ANXA8: variants seen among roughly 807,000 people sequenced by gnomAD.
ANXA8 encodes annexin A8.
A neutral mutation model predicts 26.8 loss-of-function variants in ANXA8; 9 were observed. The observed-to-expected ratio is 0.34, with a 90% confidence interval of 0.20 to 0.59. The LOEUF is 0.59. Among genes scored for constraint, ANXA8 ranks in the 20% least tolerant of loss-of-function variants. ANXA8 has a pLI of 0.84. For missense variants in ANXA8, 83 were observed against 238.5 expected (o/e 0.35, Z 4.29); for synonymous variants, 39 against 94.8 (o/e 0.41, Z 3.42).
At chr10:47,552,493 T>C in the ANXA8 span, among the ~76,000 whole-genome samples, 1 of 152,066 alleles carries the variant, frequency 6.6e-6, no homozygotes, top group African/African-American at 2.4e-5. Context: ...ATCGCAGTAT[T>C]ACTTTTAGTA....
At chr10:47,991,721 C>A in the ANXA8 span, 3 of 1,611,144 alleles carry the variant, frequency 1.9e-6, no homozygotes, top group Non-Finnish European at 2.5e-6. Context: ...TCGGGGGCAC[C>A]TTTCTCACGG....
chr10:47,665,578 G>A, the ANXA8 span, among the ~76,000 whole-genome samples: 1 of 149,706 alleles, frequency 6.7e-6, no homozygotes, highest in Non-Finnish European at 1.5e-5. Flanking sequence ...TGTGTTATAT[G>A]CTGTTTGTGT....
At chr10:47,693,565 C>CA in the ANXA8 span, among the ~76,000 whole-genome samples, 1 of 151,932 alleles carries the variant, frequency 6.6e-6, no homozygotes, top group African/African-American at 2.4e-5. Flanking sequence ...GCTGGGATTA[C>CA]AGGCGTGAGC....
the ANXA8 span, among the ~76,000 whole-genome samples, chr10:47,631,195 T>G: frequency 6.6e-6 from 1 of 150,594 alleles, no homozygotes; most frequent in African/African-American, 2.5e-5. Flanking sequence ...TGGAATTTTA[T>G]TCTAAGCATC....
chr10:47,695,797 T>C, the ANXA8 span, among the ~76,000 whole-genome samples: 2 of 151,822 alleles, frequency 1.3e-5, no homozygotes, highest in Admixed American at 1.3e-4. Flanking sequence ...CTACAATTGT[T>C]TCTACCTGTT....
At chr10:47,618,951 G>A in the ANXA8 span, among the ~76,000 whole-genome samples, 2 of 115,058 alleles carry the variant, frequency 1.7e-5, no homozygotes, top group Non-Finnish European at 3.8e-5. Flanking sequence ...TGCTTTAGTA[G>A]CTGTGAGTAT....
chr10:47,958,652 C>G, the ANXA8 span, among the ~76,000 whole-genome samples: 265 of 147,976 alleles, frequency 1.8e-3, 21 homozygotes, highest in African/African-American at 6.5e-3. Context: ...GAGGTACTCC[C>G]CGGCTAACCC....
the ANXA8 span, among the ~76,000 whole-genome samples, chr10:47,953,744 C>T: frequency 8.6e-5 from 13 of 150,460 alleles, no homozygotes; most frequent in South Asian, 4.2e-4. Context: ...TCTGAATAGA[C>T]GCTTCTCAAA....
the ANXA8 span, among the ~76,000 whole-genome samples, chr10:47,501,438 G>A: frequency 5.8e-5 from 8 of 139,092 alleles, 1 homozygote; most frequent in African/African-American, 7.9e-5. Context: ...GGCCTGGTAC[G>A]GTGGCTCACC....
the ANXA8 span, among the ~76,000 whole-genome samples, chr10:47,644,894 T>C: frequency 5.3e-5 from 8 of 151,380 alleles, no homozygotes; most frequent in African/African-American, 2.0e-4. Flanking sequence ...AATATGTAAG[T>C]ATATCAATTA....
At chr10:47,724,696 A>G in the ANXA8 span, among the ~76,000 whole-genome samples, 1 of 140,902 alleles carries the variant, frequency 7.1e-6, no homozygotes, top group Non-Finnish European at 1.6e-5. Flanking sequence ...AAATTCATAT[A>G]CCATCAAATT....
chr10:47,945,518 A>G, the ANXA8 span, among the ~76,000 whole-genome samples: 4 of 149,994 alleles, frequency 2.7e-5, no homozygotes, highest in Non-Finnish European at 5.9e-5. Flanking sequence ...ACCAGGGTGA[A>G]GATGGGCCTA....
chr10:47,942,052 C>T, the ANXA8 span, among the ~76,000 whole-genome samples: 28 of 147,514 alleles, frequency 1.9e-4, no homozygotes, highest in Non-Finnish European at 3.9e-4. Context: ...GTTGCTAAGC[C>T]GCAGAGTAAG....
the ANXA8 span, among the ~76,000 whole-genome samples, chr10:47,957,658 G>A: frequency 6.7e-6 from 1 of 149,230 alleles, no homozygotes; most frequent in East Asian, 2.1e-4. Flanking sequence ...TCACGGTTCT[G>A]GAAGTCAGAA....
the ANXA8 span, among the ~76,000 whole-genome samples, chr10:47,664,910 A>G: frequency 7.0e-6 from 1 of 142,338 alleles, no homozygotes; most frequent in South Asian, 2.2e-4. Context: ...ATTTTTTTGT[A>G]GGGATGGAAT....
At chr10:47,682,668 T>C in the ANXA8 span, among the ~76,000 whole-genome samples, 1 of 151,628 alleles carries the variant, frequency 6.6e-6, no homozygotes, top group Non-Finnish European at 1.5e-5. Flanking sequence ...ACGGGGGTTT[T>C]GTCGTGTTAG....
In ANXA8 at chr10:47,474,927, G is replaced by A. The variant is rs1839467071; in HGVS notation, c.552+18C>T. ...TGGCAGGGGGTGGGGCCACATGGCC[G>A]GCTGGGCGCAGCCTCACCTGTGCGT... On this transcript the variant is annotated intron_variant, in intron 7 of 11. Transcript: ENST00000585281. The A allele has an allele frequency of 6.1e-5, 94 of 1,533,138 alleles. 5 individuals carry two copies. The highest frequency in any genetic ancestry group is 1.9e-4 in the Middle Eastern group (1 of 5,256). The allele number at this position is 1,533,138 out of a possible 1,614,324, so 95.0% of individuals were successfully genotyped here.
chr10:47,576,794 C>G, the ANXA8 span, among the ~76,000 whole-genome samples: 1 of 150,404 alleles, frequency 6.6e-6, no homozygotes, highest in African/African-American at 2.5e-5. Context: ...TGCAGGATTA[C>G]AGGTGTGAGC....
At chr10:47,748,443 C>T in the ANXA8 span, among the ~76,000 whole-genome samples, 1 of 151,918 alleles carries the variant, frequency 6.6e-6, no homozygotes, top group Admixed American at 6.6e-5. Context: ...AAACTTCTGA[C>T]CTCAGGTGAT....
Sources: allele counts gnomAD v4.1 joint callset (sites outside exome capture counted in the v4.1 genomes callset), GRCh38; gene constraint gnomAD v4.1.1; transcripts MANE v1.5; gene names NCBI Gene and HGNC (gene_info 2026-07-23, HGNC 2026-07-21).